The following ENOPH1 variants were observed in gnomAD, a reference collection of about 807,000 sequenced individuals.
The protein encoded by ENOPH1 is enolase-phosphatase E1.
In ENOPH1, 14 loss-of-function variants were observed where a neutral mutation model predicts 31.1. The observed-to-expected ratio is 0.45, with a 90% CI of 0.30 to 0.70. The LOEUF (loss-of-function observed/expected upper bound fraction) is 0.70. Among genes scored for constraint, ENOPH1 ranks in the 30% least tolerant of loss-of-function variants. The pLI is 0.09. For missense variants in ENOPH1, 243 were observed against 321.5 expected, an observed-to-expected ratio of 0.76 and a Z score of 1.87; for synonymous variants, 127 against 123.2, an observed-to-expected ratio of 1.03 and a Z score of -0.21.
In ENOPH1 at chr4:82,451,242, C is replaced by T; in HGVS notation, c.386C>T (p.Ala129Val). ...GCATTCACAGCTGGGCGCATGAAAG[C>T]AGAGTATGTGCTTGAGTCAGCCTAA... is the stretch of plus-strand genomic sequence containing the variant. ...RAAFTAGRMKAEFFADVVPAV... is the reference protein window; with the variant it reads ...RAAFTAGRMKVEFFADVVPAV... Residue 129 changes from alanine to valine, a missense_variant, in exon 3 of 6, where the codon GCA becomes GTA. By Grantham distance (64) the Ala-to-Val change is moderately conservative (BLOSUM62 0). Transcript: ENST00000273920. The T allele has an allele frequency of 6.2e-7, 1 of 1,614,140 alleles. No homozygotes were observed. The highest frequency in any genetic ancestry group is 8.5e-7 in the Non-Finnish European group (1 of 1,179,998).
At chr4:82,437,339 G>A (rs1721933834) in intron 1 of ENOPH1, among the ~76,000 whole-genome samples, 9 of 152,192 alleles carry the variant, frequency 5.9e-5, no homozygotes, top group Admixed American at 5.9e-4. Flanking sequence ...GGTCGCCTTT[G>A]CATAATCAAA....
At position 82,451,183 on chromosome 4, in the gene ENOPH1, A is replaced by C. The variant is rs1221394318; in HGVS notation, c.327A>C (p.Ala109=). Residue 109 remains alanine (A), a synonymous_variant, in exon 3 of 6, where the codon GCA becomes GCC. Transcript: ENST00000273920. ...TGTCCCTGGATCGAAAGACCACTGCACTCAAACAGCTGCAGGGCCACATGT... is the reference window on the plus strand; with the variant it reads ...TGTCCCTGGATCGAAAGACCACTGCCCTCAAACAGCTGCAGGGCCACATGT... The part of the protein sequence containing the change: ...WQMSLDRKTT[A]LKQLQGHMWR... 6.2e-7 allele frequency: 1 copy of C among 1,614,206 alleles called. No homozygotes were observed. Among genetic ancestry groups the C allele is most frequent in the South Asian group, 1.1e-5 (1 of 91,092 alleles).
At position 82,439,054 on chromosome 4, in the gene ENOPH1, G is replaced by A. The variant is rs560201260; in HGVS notation, c.84+8141G>A. On this transcript the variant is annotated intron_variant, in intron 1 of 5. Coordinates refer to ENST00000273920, the MANE Select transcript of ENOPH1 (RefSeq NM_021204.5). ...TCCCATCAGCTCACTAAAGAGTCGTGTGGAAAGTTGGTAGCTTTATCCTCA... is the reference window on the plus strand; with the variant it reads ...TCCCATCAGCTCACTAAAGAGTCGTATGGAAAGTTGGTAGCTTTATCCTCA... Among the ~76,000 whole-genome samples, 11 of 152,280 alleles carry A rather than the reference G, an allele frequency of 7.2e-5. No individual in the cohort carries two copies. In the South Asian group the frequency reaches 2.1e-3, roughly 29 times the overall value.
At chr4:82,430,971 T>C in intron 1 of ENOPH1, 58 bp downstream of exon 1, 4 of 1,519,410 alleles carry the variant, frequency 2.6e-6, no homozygotes, top group Non-Finnish European at 3.6e-6. Context: ...TATTATTTTT[T>C]CTAAGTATTT....
chr4:82,454,733 A>G lies in ENOPH1; in HGVS notation c.401A>G (p.Asp134Gly). ...AGRMKAEFFA[D>G]VVPAVRKWRE... is the part of the protein sequence containing the mutation. ...GGTCTTCCCTCTAGGTTCTTTGCAG[A>G]TGTAGTTCCAGCAGTCAGGAAGTGG... Residue 134 changes from aspartate (D) to glycine (G), a missense_variant, in exon 4 of 6, where the codon GAT becomes GGT. Asp to Gly is a moderately conservative substitution (Grantham distance 94, BLOSUM62 -1). Transcript: ENST00000273920. 2 of 1,613,250 alleles carry G rather than the reference A, an allele frequency of 1.2e-6. No individual in the cohort carries two copies. The highest frequency in any genetic ancestry group is 1.1e-5 in the South Asian group (1 of 90,920).
intron 3 of ENOPH1, 92 bp from the exon 4 acceptor site, chr4:82,454,630 C>T: frequency 7.1e-7 from 1 of 1,415,648 alleles, no homozygotes; most frequent in Non-Finnish European, 9.6e-7. Flanking sequence ...CATGTGGGCA[C>T]AAAGAGAGAA....
chr4:82,448,275 T>G (rs1386761664), intron 2 of ENOPH1, among the ~76,000 whole-genome samples: 1 of 151,782 alleles, frequency 6.6e-6, no homozygotes, highest in African/African-American at 2.4e-5. Flanking sequence ...TTTTTGTTTT[T>G]TTTTGAGATG....
chr4:82,450,428 A>T (rs1722318512), intron 2 of ENOPH1, among the ~76,000 whole-genome samples: 1 of 151,596 alleles, frequency 6.6e-6, no homozygotes, highest in Admixed American at 6.5e-5. Context: ...TTCCTCCCTT[A>T]CCTTTTTTTG....
chr4:82,449,109 G>A (rs377114423), intron 2 of ENOPH1, among the ~76,000 whole-genome samples: 2 of 148,530 alleles, frequency 1.3e-5, no homozygotes, highest in Non-Finnish European at 3.0e-5. Flanking sequence ...ACATGGTGGC[G>A]GGCACCTGTA....
chr4:82,461,091 AG>A lies in ENOPH1; in HGVS notation c.*972del, dbSNP rs1434767850. ...TAATAAAAGCATTTTTTCTTCACTCAGTTTTATATAGGTTCCTGAACTCTAT... is the reference window on the plus strand; with the variant it reads ...TAATAAAAGCATTTTTTCTTCACTCATTTTATATAGGTTCCTGAACTCTAT... On this transcript the variant is annotated 3_prime_UTR_variant, in exon 6 of 6. Coordinates refer to ENST00000273920, the MANE Select transcript of ENOPH1 (RefSeq NM_021204.5). The A allele has an allele frequency of 6.6e-6, 1 of 152,198 alleles. No homozygotes were observed. The highest frequency in any genetic ancestry group is 1.5e-5 in the Non-Finnish European group (1 of 68,022). The allele number at this position is 152,198 out of a possible 1,614,324, so 9.4% of individuals were successfully genotyped here.
intron 5 of ENOPH1, 81 bp from the exon 6 acceptor site, chr4:82,459,900 T>TC: frequency 6.6e-7 from 1 of 1,503,984 alleles, no homozygotes; most frequent in Non-Finnish European, 9.2e-7. Context: ...CATCCCCACA[T>TC]CCCCCTGCTG....
chr4:82,444,447 A>G (rs114608438), intron 1 of ENOPH1, among the ~76,000 whole-genome samples: 2,835 of 152,014 alleles, frequency 0.019, 84 homozygotes, highest in African/African-American at 0.064. Context: ...TCTCAGCACT[A>G]TTTTTAGGAG....
Position 82,451,038 on chromosome 4 carries a change from T to G in ENOPH1, c.187-5T>G. On this transcript the variant is annotated splice_polypyrimidine_tract_variant and splice_region_variant and intron_variant, in intron 2 of 5. Coordinates refer to ENST00000273920, the MANE Select transcript of ENOPH1 (RefSeq NM_021204.5). ...AACAAACATCATGTTGTTTCTGACT[T>G]AAAGGCTGAAGAGGACGCCCACCTG... The G allele has an allele frequency of 6.2e-7, 1 of 1,612,246 alleles. No individual in the cohort carries two copies. The highest frequency in any genetic ancestry group is 8.5e-7 in the Non-Finnish European group (1 of 1,178,822).
intron 5 of ENOPH1, among the ~76,000 whole-genome samples, chr4:82,459,453 G>A (rs1560469839): frequency 6.6e-6 from 1 of 152,156 alleles, no homozygotes; most frequent in East Asian, 1.9e-4. Flanking sequence ...CACCACGCCC[G>A]GCTAATTTTT....
chr4:82,446,503 G>T (rs969574310), intron 1 of ENOPH1, among the ~76,000 whole-genome samples: 1 of 152,110 alleles, frequency 6.6e-6, no homozygotes, highest in Non-Finnish European at 1.5e-5. Context: ...ACTTTGCCTT[G>T]TGTTAGTCCT....
chr4:82,441,777 AAAC>A (rs550702052), intron 1 of ENOPH1, among the ~76,000 whole-genome samples: 26 of 149,798 alleles, frequency 1.7e-4, no homozygotes, highest in Non-Finnish European at 2.9e-4. Flanking sequence ...GTCTCTACAA[AAAC>A]AACAACAACA....
At chr4:82,436,256 C>T (rs937817606) in intron 1 of ENOPH1, among the ~76,000 whole-genome samples, 1 of 152,174 alleles carries the variant, frequency 6.6e-6, no homozygotes, top group Non-Finnish European at 1.5e-5. Context: ...CCCCCCTCTC[C>T]CCAAACTTTT....
rs1354580364 is a variant in ENOPH1 at position 82,448,029 on chromosome 4, C to T, written c.186+8C>T. ...AGTCTTTTGAGGAAACAGGTTGGGA[C>T]ATTTCTGTCTTAAATTCCCAAGTGT... On this transcript the variant is annotated splice_region_variant and intron_variant, in intron 2 of 5. Transcript: ENST00000273920. The T allele has an allele frequency of 2.1e-5, 34 of 1,584,602 alleles. No individual in the cohort carries two copies. The highest frequency in any genetic ancestry group is 2.6e-5 in the Non-Finnish European group (30 of 1,155,386).
At chr4:82,442,598 ATTAAGG>A (rs1388327803) in intron 1 of ENOPH1, among the ~76,000 whole-genome samples, 2 of 152,178 alleles carry the variant, frequency 1.3e-5, no homozygotes, top group African/African-American at 4.8e-5. Flanking sequence ...TTTTAGCACT[ATTAAGG>A]TTATACATTT....
Sources: allele counts gnomAD v4.1 joint callset (sites outside exome capture counted in the v4.1 genomes callset), GRCh38; gene constraint gnomAD v4.1.1; transcripts MANE v1.5; gene names NCBI Gene and HGNC (gene_info 2026-07-23, HGNC 2026-07-21).